The following CDK14 variants were observed in gnomAD, a reference collection of about 807,000 sequenced individuals.
CDK14 encodes cyclin dependent kinase 14, also known as cyclin-dependent kinase 14.
In CDK14, 34 loss-of-function variants were observed where a neutral mutation model predicts 60.7. The ratio of observed to expected loss-of-function variants is 0.56; its 90% CI spans 0.43 to 0.75. CDK14 has a LOEUF of 0.75. CDK14 is among the 30% of genes least tolerant of loss of function. CDK14 has a pLI of 0.00. For synonymous variants in CDK14, 197 were observed against 203.7 expected (o/e 0.97, Z 0.28); for missense variants, 482 against 564.1 (o/e 0.85, Z 1.47).
At chr7:90,970,088 C>T (rs1423513232) in intron 9 of CDK14, among the ~76,000 whole-genome samples, 1 of 151,932 alleles carries the variant, frequency 6.6e-6, no homozygotes, top group African/African-American at 2.4e-5. Flanking sequence ...GCCTCAGCCT[C>T]CTGAGTAGCT....
At chr7:91,155,662 A>G (rs999682406) in intron 14 of CDK14, among the ~76,000 whole-genome samples, 2 of 152,242 alleles carry the variant, frequency 1.3e-5, no homozygotes. Flanking sequence ...GAACAAAAAT[A>G]CTAGAAAATA....
chr7:90,601,922 TTATGTATG>T (rs66873680), intron 1 of CDK14, among the ~76,000 whole-genome samples: 34,038 of 143,178 alleles, frequency 0.24, 4,648 homozygotes, highest in East Asian at 0.61. Context: ...TTGGCTAATT[TTATGTATG>T]TATGTATGTA....
intron 11 of CDK14, among the ~76,000 whole-genome samples, chr7:91,071,016 A>AT (rs1227481040): frequency 6.6e-6 from 1 of 152,160 alleles, no homozygotes; most frequent in Non-Finnish European, 1.5e-5. Flanking sequence ...ATAATGATTG[A>AT]TTTTTACCGA....
intron 14 of CDK14, among the ~76,000 whole-genome samples, chr7:91,136,615 T>C (rs810641): frequency 0.4 from 60,130 of 152,056 alleles, 12,582 homozygotes; most frequent in African/African-American, 0.53. Flanking sequence ...TAATGGATCC[T>C]GTAGGATATA....
intron 14 of CDK14, among the ~76,000 whole-genome samples, chr7:91,164,094 C>T (rs1008229061): frequency 2.6e-5 from 4 of 152,068 alleles, no homozygotes; most frequent in East Asian, 1.9e-4. Context: ...TGACAGGGCA[C>T]GTAGCATACA....
chr7:90,914,853 C>T (rs1177590312), intron 7 of CDK14, among the ~76,000 whole-genome samples: 2 of 152,178 alleles, frequency 1.3e-5, no homozygotes, highest in Non-Finnish European at 2.9e-5. Flanking sequence ...TATCTGCTGC[C>T]ATCCAGATGT....
chr7:90,708,202 T>A (rs1801942392), intron 2 of CDK14, among the ~76,000 whole-genome samples: 1 of 152,198 alleles, frequency 6.6e-6, no homozygotes, highest in Non-Finnish European at 1.5e-5. Flanking sequence ...AAAATGCAAT[T>A]GGCGTGATTT....
At chr7:90,773,487 T>C (rs1285694310) in intron 4 of CDK14, among the ~76,000 whole-genome samples, 1 of 152,224 alleles carries the variant, frequency 6.6e-6, no homozygotes, top group African/African-American at 2.4e-5. Context: ...AGTGGATACC[T>C]GAACATCAGT....
At chr7:90,962,896 A>G (rs1358632409) in intron 9 of CDK14, among the ~76,000 whole-genome samples, 1 of 152,178 alleles carries the variant, frequency 6.6e-6, no homozygotes, top group African/African-American at 2.4e-5. Flanking sequence ...AATGTTGAGA[A>G]CAGTGTTCTT....
At chr7:91,038,237 T>C (rs2115982032) in intron 10 of CDK14, among the ~76,000 whole-genome samples, 1 of 152,384 alleles carries the variant, frequency 6.6e-6, no homozygotes, top group East Asian at 1.9e-4. Flanking sequence ...TAGTTTAACA[T>C]GACTTTTTAT....
At chr7:91,108,055 C>T (rs1799356910) in intron 12 of CDK14, among the ~76,000 whole-genome samples, 1 of 152,216 alleles carries the variant, frequency 6.6e-6, no homozygotes, top group South Asian at 2.1e-4. Context: ...CGCCTGTAAT[C>T]CCAGTACTTT....
chr7:91,143,835 G>A lies in CDK14; in HGVS notation c.*28+25627G>A, dbSNP rs1015614410. ...TTAATCCTCATAACAACCCACTAAG[G>A]TAGGTGTTCTTATCCCCGTTTTGCA... On this transcript the variant is annotated intron_variant, in intron 14 of 14. Coordinates refer to ENST00000380050, the MANE Select transcript of CDK14 (RefSeq NM_001287135.2). 3.9e-5 allele frequency among the ~76,000 whole-genome samples: 6 copies of A among 152,246 alleles called. No homozygotes were observed. In the South Asian group the frequency reaches 1.2e-3, roughly 32 times the overall value.
At chr7:90,664,979 G>A (rs1294952220) in intron 2 of CDK14, among the ~76,000 whole-genome samples, 1 of 151,976 alleles carries the variant, frequency 6.6e-6, no homozygotes, top group Non-Finnish European at 1.5e-5. Context: ...TTTGCTAATA[G>A]TATTTAAAAA....
At chr7:90,805,629 A>G (rs908864592) in intron 5 of CDK14, among the ~76,000 whole-genome samples, 5 of 152,136 alleles carry the variant, frequency 3.3e-5, no homozygotes, top group Middle Eastern at 3.2e-3. Flanking sequence ...AAAGAAATAA[A>G]GGAAGATTAA....
chr7:90,598,722 T>TTTTTTTTTTTTA (rs58589657), intron 1 of CDK14, among the ~76,000 whole-genome samples: 3 of 135,758 alleles, frequency 2.2e-5, no homozygotes, highest in South Asian at 2.6e-4. Context: ...TTTTTTTTTT[T>TTTTTTTTTTTTA]GAGACGGAGT....
chr7:90,703,014 G>GT (rs36009289), intron 2 of CDK14, among the ~76,000 whole-genome samples: 56,990 of 147,076 alleles, frequency 0.39, 11,427 homozygotes, highest in East Asian at 0.65. Flanking sequence ...TGTTGTTGTT[G>GT]TTTTGTTTTT....
intron 14 of CDK14, among the ~76,000 whole-genome samples, chr7:91,170,812 G>A (rs1801493241): frequency 6.8e-6 from 1 of 147,186 alleles, no homozygotes; most frequent in African/African-American, 2.5e-5. Context: ...TGCCACCCAG[G>A]CTGGAGTTCA....
intron 2 of CDK14, among the ~76,000 whole-genome samples, chr7:90,707,348 GCCTCTTA>G (rs1001946282): frequency 7.2e-5 from 11 of 152,144 alleles, no homozygotes; most frequent in South Asian, 2.1e-4. Flanking sequence ...CATGGTGAAT[GCCTCTTA>G]CCTCTGTTGT....
At chr7:91,091,921 G>GT (rs902489858) in intron 12 of CDK14, among the ~76,000 whole-genome samples, 7 of 151,346 alleles carry the variant, frequency 4.6e-5, no homozygotes, top group African/African-American at 7.3e-5. Flanking sequence ...CAGTAGACTG[G>GT]TTTTTTTTGC....
Sources: gnomAD v4.1 joint callset for allele counts (sites outside exome capture counted in the v4.1 genomes callset) on GRCh38, gnomAD v4.1.1 for gene constraint, MANE v1.5 for transcripts, NCBI Gene and HGNC (gene_info 2026-07-23, HGNC 2026-07-21) for gene names.